TRIO: variants seen among roughly 807,000 people sequenced by gnomAD.
The protein encoded by TRIO is trio Rho guanine nucleotide exchange factor, also known as triple functional domain protein.
TRIO carries 58 observed loss-of-function variants against 351.9 expected under a neutral mutation model. The ratio of observed to expected loss-of-function variants is 0.16; its 90% CI spans 0.13 to 0.21. TRIO has a LOEUF of 0.21. TRIO is among the 10% of genes least tolerant of loss of function. The pLI is 1.00. For synonymous variants in TRIO, 1,758 were observed against 1,595.7 expected, an observed-to-expected ratio of 1.10 and a Z score of -2.42; for missense variants, 3,201 against 4,027.8, an observed-to-expected ratio of 0.79 and a Z score of 5.56.
At chr5:14,360,873 C>T (rs1311797466) in intron 13 of TRIO, among the ~76,000 whole-genome samples, 1 of 152,222 alleles carries the variant, frequency 6.6e-6, no homozygotes, top group African/African-American at 2.4e-5. Flanking sequence ...AGGAGTCAAA[C>T]CCTAAACATG....
intron 34 of TRIO, among the ~76,000 whole-genome samples, chr5:14,460,575 A>G (rs536652765): frequency 9.8e-5 from 15 of 152,290 alleles, no homozygotes; most frequent in African/African-American, 3.6e-4. Context: ...TAAGCATGTC[A>G]GTTGGCATAG....
intron 31 of TRIO, among the ~76,000 whole-genome samples, chr5:14,402,960 T>C (rs1269354288): frequency 6.6e-6 from 1 of 151,776 alleles, no homozygotes; most frequent in Non-Finnish European, 1.5e-5. Flanking sequence ...GGAGATACTT[T>C]AGATTTTAAT....
Position 14,474,004 on chromosome 5 carries a change from C to T in TRIO, c.5990C>T (p.Ala1997Val). ...ACTGTTTAATTGTAGGGCTACATGG[C>T]ACTTATGAAAGAAGATGGTGTTCCT... ...DLGYVVEGYM[A>V]LMKEDGVPDD... Residue 1997 changes from alanine (A) to valine (V), a missense_variant, in exon 40 of 57, where the codon GCA becomes GTA. Physicochemically the swap from Ala to Val is moderately conservative, Grantham distance 64. This residue lies in a region of TRIO where 307 missense variants were observed against 396.5 expected (regional missense o/e 0.77). Coordinates refer to ENST00000344204, the MANE Select transcript of TRIO (RefSeq NM_007118.4). 1.2e-6 allele frequency: 2 copies of T among 1,612,808 alleles called. No homozygotes were observed. Among genetic ancestry groups the T allele is most frequent in the Non-Finnish European group, 1.7e-6 (2 of 1,178,964 alleles).
intron 34 of TRIO, among the ~76,000 whole-genome samples, chr5:14,459,212 G>A (rs189109058): frequency 1.3e-5 from 2 of 152,314 alleles, no homozygotes; most frequent in Admixed American, 1.3e-4. Flanking sequence ...TAGTCCCAGC[G>A]TCGGAAGCAC....
chr5:14,428,991 A>G (rs1479986867), intron 34 of TRIO, among the ~76,000 whole-genome samples: 2 of 152,158 alleles, frequency 1.3e-5, no homozygotes, highest in Non-Finnish European at 2.9e-5. Flanking sequence ...GACATTTCCT[A>G]GACATCAGAC....
chr5:14,388,514 T>C (rs1746749530), intron 23 of TRIO, 99 bp from the exon 24 acceptor site: 4 of 1,187,716 alleles, frequency 3.4e-6, no homozygotes, highest in African/African-American at 1.5e-5. Flanking sequence ...CTAAGACTAA[T>C]ACTTTTAGAC....
intron 1 of TRIO, among the ~76,000 whole-genome samples, chr5:14,194,117 G>C (rs897406833): frequency 1.3e-5 from 2 of 152,122 alleles, no homozygotes; most frequent in Non-Finnish European, 2.9e-5. Context: ...GAATATCCCT[G>C]CATTGTCAAA....
At chr5:14,423,558 A>G (rs942780750) in intron 34 of TRIO, among the ~76,000 whole-genome samples, 1 of 151,966 alleles carries the variant, frequency 6.6e-6, no homozygotes, top group Non-Finnish European at 1.5e-5. Flanking sequence ...TGCTTTTTTC[A>G]CCTTTTCCCT....
At chr5:14,483,994 A>C (rs1042363423) in intron 46 of TRIO, among the ~76,000 whole-genome samples, 4 of 151,528 alleles carry the variant, frequency 2.6e-5, no homozygotes, top group African/African-American at 9.7e-5. Context: ...CCATCATCTG[A>C]ACTACACCCA....
At chr5:14,491,960 G>A (rs1022956075) in intron 48 of TRIO, among the ~76,000 whole-genome samples, 28 of 152,288 alleles carry the variant, frequency 1.8e-4, no homozygotes, top group Admixed American at 1.1e-3. Context: ...GTCGCTCTCC[G>A]TATGAGCAGA....
chr5:14,374,567 G>A (rs1270806983), intron 19 of TRIO, among the ~76,000 whole-genome samples: 1 of 152,126 alleles, frequency 6.6e-6, no homozygotes, highest in Non-Finnish European at 1.5e-5. Context: ...TGAATAAGTT[G>A]AAGAATATAA....
intron 31 of TRIO, among the ~76,000 whole-genome samples, chr5:14,403,776 T>TGG (rs1182720848): frequency 3.4e-5 from 4 of 116,910 alleles, no homozygotes; most frequent in African/African-American, 4.0e-5. Flanking sequence ...AGGGTGTAGG[T>TGG]TGTGGTGAGG....
At chr5:14,388,575 A>G (rs77542652) in intron 23 of TRIO, 38 bp from the exon 24 acceptor site, 2 of 1,584,216 alleles carry the variant, frequency 1.3e-6, no homozygotes, top group Middle Eastern at 1.7e-4. Context: ...AGTAAGCTGC[A>G]CCCTGACTGT....
chr5:14,206,532 C>G (rs975538850), intron 1 of TRIO, among the ~76,000 whole-genome samples: 2 of 152,168 alleles, frequency 1.3e-5, no homozygotes, highest in Non-Finnish European at 2.9e-5. Context: ...CCTCTTTCTC[C>G]CAGTAAGCCT....
At chr5:14,298,330 G>A (rs1424767676) in intron 7 of TRIO, among the ~76,000 whole-genome samples, 1 of 152,210 alleles carries the variant, frequency 6.6e-6, no homozygotes, top group African/African-American at 2.4e-5. Context: ...ATCGGAAGGT[G>A]AGCAGCACAG....
At chr5:14,323,551 G>T (rs1050122225) in intron 9 of TRIO, among the ~76,000 whole-genome samples, 7 of 152,204 alleles carry the variant, frequency 4.6e-5, no homozygotes, top group African/African-American at 1.7e-4. Context: ...CCTTTAGGAG[G>T]GAATCAATGG....
At chr5:14,472,832 A>G (rs1754786674) in intron 39 of TRIO, among the ~76,000 whole-genome samples, 174 bp downstream of exon 39, 1 of 152,350 alleles carries the variant, frequency 6.6e-6, no homozygotes, top group South Asian at 2.1e-4. Flanking sequence ...TGTCTTTACC[A>G]TCTGTATTCA....
chr5:14,400,867 T>G (rs1748017400), intron 30 of TRIO, 96 bp from the exon 31 acceptor site: 1 of 1,070,150 alleles, frequency 9.3e-7, no homozygotes, highest in Admixed American at 2.2e-5. Context: ...TAACCTAACA[T>G]GGCCACAAGT....
At chr5:14,505,321 A>ACAAC (rs1196577826) in intron 55 of TRIO, among the ~76,000 whole-genome samples, 1 of 152,252 alleles carries the variant, frequency 6.6e-6, no homozygotes, top group Non-Finnish European at 1.5e-5. Context: ...CAAGGCAGGG[A>ACAAC]CAACCCCCAT....
Sources: allele counts gnomAD v4.1 joint callset (sites outside exome capture counted in the v4.1 genomes callset), GRCh38; gene constraint gnomAD v4.1.1; regional missense constraint gnomAD v4.1.1; transcripts MANE v1.5; gene names NCBI Gene and HGNC (gene_info 2026-07-23, HGNC 2026-07-21).